Variants in CDH13 observed in about 807,000 individuals in gnomAD.
CDH13 encodes cadherin 13, also known as cadherin-13.
In CDH13, 24 loss-of-function variants were observed where a neutral mutation model predicts 63.8. The ratio of observed to expected loss-of-function variants is 0.38; its 90% CI spans 0.27 to 0.53. The LOEUF is 0.53. Among genes scored for constraint, CDH13 ranks in the 20% least tolerant of loss-of-function variants. The probability of loss-of-function intolerance (pLI) is 0.85; values close to 1 mark genes in which losing one functional copy is unlikely to be tolerated. For synonymous variants in CDH13, 503 were observed against 355.3 expected (o/e 1.42, Z -4.67); for missense variants, 1,049 against 903.1 (o/e 1.16, Z -2.07).
chr16:83,538,087 C>G (rs1457023106), intron 7 of CDH13, among the ~76,000 whole-genome samples: 1 of 152,106 alleles, frequency 6.6e-6, no homozygotes, highest in African/African-American at 2.4e-5. Context: ...TATGTTTTTG[C>G]CAGACACTTG....
intron 5 of CDH13, among the ~76,000 whole-genome samples, chr16:83,274,081 C>A (rs1179232673): frequency 6.6e-6 from 1 of 152,198 alleles, no homozygotes; most frequent in Non-Finnish European, 1.5e-5. Context: ...TCAAGCCAAT[C>A]TTACACCCTC....
chr16:83,478,155 G>A (rs77714813), intron 6 of CDH13, among the ~76,000 whole-genome samples: 16,783 of 148,142 alleles, frequency 0.11, 1,059 homozygotes, highest in Non-Finnish European at 0.14. Flanking sequence ...GCAAGACTCC[G>A]TCTCAAAAAA....
intron 6 of CDH13, among the ~76,000 whole-genome samples, chr16:83,442,465 C>A (rs969128576): frequency 1.7e-4 from 26 of 152,196 alleles, no homozygotes; most frequent in Admixed American, 1.4e-3. Context: ...GATGCTGATG[C>A]TTTTCTCCTG....
intron 5 of CDH13, among the ~76,000 whole-genome samples, chr16:83,310,053 C>T (rs149961552): frequency 1.6e-3 from 236 of 152,182 alleles, no homozygotes; most frequent in African/African-American, 4.9e-3. Flanking sequence ...TTAATAATTC[C>T]GACATACTTC....
chr16:83,699,627 G>A (rs921831905), intron 10 of CDH13, among the ~76,000 whole-genome samples: 1 of 152,034 alleles, frequency 6.6e-6, no homozygotes, highest in Admixed American at 6.5e-5. Flanking sequence ...GCACACATAT[G>A]CACACACACG....
chr16:82,840,813 C>A (rs190249133), intron 1 of CDH13, among the ~76,000 whole-genome samples: 3 of 152,108 alleles, frequency 2.0e-5, no homozygotes, highest in Non-Finnish European at 4.4e-5. Flanking sequence ...TGGTGTTGGC[C>A]GTTTCATTGT....
At chr16:83,478,846 AAAAAAAAG>A (rs1232956803) in intron 6 of CDH13, among the ~76,000 whole-genome samples, 347 of 144,806 alleles carry the variant, frequency 2.4e-3, no homozygotes, top group African/African-American at 9.2e-3. Flanking sequence ...GAAAAAAAAA[AAAAAAAAG>A]AAAAAAAGAA....
chr16:83,303,249 G>T (rs1392038719), intron 5 of CDH13, among the ~76,000 whole-genome samples: 1 of 152,168 alleles, frequency 6.6e-6, no homozygotes, highest in African/African-American at 2.4e-5. Flanking sequence ...TTAGGAAGAT[G>T]AATAGGAGAA....
At position 82,893,688 on chromosome 16, in the gene CDH13, C is replaced by T. The variant is rs1016653146; in HGVS notation, c.157+35215C>T. Among the ~76,000 whole-genome samples, 16 of 152,176 alleles carry T rather than the reference C, an allele frequency of 1.1e-4. No homozygotes were observed. In the East Asian group the frequency reaches 1.3e-3, roughly 13 times the overall value. ...CAGGAAGCCAGAACCTGAATCTCTTCGAGGAAGTTCTACAGCTGACTTTTA... is the reference window on the plus strand; with the variant it reads ...CAGGAAGCCAGAACCTGAATCTCTTTGAGGAAGTTCTACAGCTGACTTTTA... On this transcript the variant is annotated intron_variant, in intron 2 of 13. Coordinates refer to ENST00000567109, the MANE Select transcript of CDH13 (RefSeq NM_001257.5).
In CDH13 at chr16:82,960,384, G is replaced by T. The variant is rs138936523; in HGVS notation, c.158-71626G>T. Among the ~76,000 whole-genome samples the T allele has an allele frequency of 6.4e-3, 981 of 152,260 alleles. 10 individuals are homozygous for T. The highest frequency in any genetic ancestry group is 0.022 in the African/African-American group (896 of 41,546). ...TCTTGATAATGGGAGGACAGGGGTG[G>T]GAGCTGACATGGGAAAGAGATGAGT... On this transcript the variant is annotated intron_variant, in intron 2 of 13. Coordinates refer to ENST00000567109, the MANE Select transcript of CDH13 (RefSeq NM_001257.5).
intron 5 of CDH13, among the ~76,000 whole-genome samples, chr16:83,239,283 G>A (rs1904294980): frequency 6.6e-6 from 1 of 152,200 alleles, no homozygotes; most frequent in African/African-American, 2.4e-5. Flanking sequence ...AAGATGAATG[G>A]GAGGAGGAAA....
At chr16:83,198,511 A>G (rs1171940055) in intron 4 of CDH13, among the ~76,000 whole-genome samples, 3 of 152,326 alleles carry the variant, frequency 2.0e-5, no homozygotes, top group Admixed American at 6.5e-5. Context: ...TTTATTATTC[A>G]GATCTCCAGT....
intron 3 of CDH13, among the ~76,000 whole-genome samples, chr16:83,044,437 A>G (rs940644363): frequency 6.6e-6 from 1 of 152,248 alleles, no homozygotes; most frequent in African/African-American, 2.4e-5. Context: ...GAAGGTGGGC[A>G]AGCCCTGTAT....
intron 6 of CDH13, among the ~76,000 whole-genome samples, chr16:83,392,545 T>G (rs1205867064): frequency 6.6e-6 from 1 of 152,188 alleles, no homozygotes; most frequent in Non-Finnish European, 1.5e-5. Context: ...CCACTCACAG[T>G]AAGAACATCA....
At chr16:83,167,487 G>A (rs1430882511) in intron 4 of CDH13, among the ~76,000 whole-genome samples, 1 of 126,448 alleles carries the variant, frequency 7.9e-6, no homozygotes, top group African/African-American at 3.4e-5. Flanking sequence ...GGGACAGAGT[G>A]AGACCCTTTC....
rs114606268 is a variant in CDH13 at position 82,631,683 on chromosome 16, G to A, written c.45+4546G>A. ...CAGACAATGAATGGCTGGGCTGTAG[G>A]ATCTCTTGCTCCTGCAGTAGGCACT... On this transcript the variant is annotated intron_variant, in intron 1 of 13. Coordinates refer to ENST00000567109, the MANE Select transcript of CDH13 (RefSeq NM_001257.5). Among the ~76,000 whole-genome samples the A allele has an allele frequency of 7.9e-3, 1,198 of 152,322 alleles. 18 individuals are homozygous for A. Among genetic ancestry groups the A allele is most frequent in the African/African-American group, 0.027 (1,143 of 41,570 alleles).
chr16:83,142,769 C>G (rs990434670), intron 4 of CDH13, among the ~76,000 whole-genome samples: 1 of 131,280 alleles, frequency 7.6e-6, no homozygotes, highest in Admixed American at 7.0e-5. Flanking sequence ...AATGAATGGT[C>G]AAAAAAGGCC....
rs144209511 is a variant in CDH13 at position 83,409,796 on chromosome 16, C to T, written c.781+64790C>T. Among the ~76,000 whole-genome samples, 128 of 152,262 alleles carry T rather than the reference C, an allele frequency of 8.4e-4. 1 individual carries two copies. The East Asian group carries it at 0.012, about 15-fold the overall frequency. On this transcript the variant is annotated intron_variant, in intron 6 of 13. Transcript: ENST00000567109. ...CATGATGTGCCATTTCTCAACAAGGCAGATGATATTTGATTCTTGGGATAT... is the reference window on the plus strand; with the variant it reads ...CATGATGTGCCATTTCTCAACAAGGTAGATGATATTTGATTCTTGGGATAT...
intron 11 of CDH13, among the ~76,000 whole-genome samples, chr16:83,754,700 A>G (rs1913361771): frequency 1.3e-5 from 2 of 152,272 alleles, no homozygotes; most frequent in South Asian, 2.1e-4. Context: ...GCCTGCTGCC[A>G]TCCCTGTAAG....
Sources: gnomAD v4.1 joint callset for allele counts (sites outside exome capture counted in the v4.1 genomes callset) on GRCh38, gnomAD v4.1.1 for gene constraint, MANE v1.5 for transcripts, NCBI Gene and HGNC (gene_info 2026-07-23, HGNC 2026-07-21) for gene names.